GRIA4: variants seen among roughly 807,000 people sequenced by gnomAD.
GRIA4 encodes the protein glutamate receptor 4.
Under a neutral mutation model 104.0 loss-of-function variants are expected in GRIA4, and 34 were observed. The observed-to-expected ratio is 0.33, with a 90% confidence interval of 0.25 to 0.44. GRIA4 has a LOEUF of 0.44. Among genes scored for constraint, GRIA4 ranks in the 20% least tolerant of loss-of-function variants. The pLI is 1.00. For synonymous variants in GRIA4, 386 were observed against 381.9 expected (o/e 1.01, Z -0.13); for missense variants, 750 against 1,096.5 (o/e 0.68, Z 4.46).
At chr11:105,926,191 A>T in intron 12 of GRIA4, among the ~76,000 whole-genome samples, 1 of 149,780 alleles carries the variant, frequency 6.7e-6, no homozygotes, top group Non-Finnish European at 1.5e-5. Context: ...CCTACATCCC[A>T]TCATCCTGGC....
At chr11:105,855,741 T>C (rs548836579) in intron 4 of GRIA4, among the ~76,000 whole-genome samples, 1 of 152,184 alleles carries the variant, frequency 6.6e-6, no homozygotes, top group East Asian at 1.9e-4. Flanking sequence ...TGAAAAGAGA[T>C]CAGTGTATTC....
intron 3 of GRIA4, among the ~76,000 whole-genome samples, chr11:105,687,867 A>G: frequency 6.6e-6 from 1 of 152,172 alleles, no homozygotes; most frequent in East Asian, 1.9e-4. Context: ...TTATCCTTAA[A>G]GTTTCTAGAT....
At chr11:105,873,389 G>A (rs1945688082) in intron 5 of GRIA4, among the ~76,000 whole-genome samples, 1 of 152,146 alleles carries the variant, frequency 6.6e-6, no homozygotes, top group African/African-American at 2.4e-5. Flanking sequence ...ACATACGTGT[G>A]CATGTGTCTT....
In GRIA4 at chr11:105,898,320, A is replaced by T. The variant is rs1946731043; in HGVS notation, c.778A>T (p.Thr260Ser). ...GTTTATACATGGTGGAGCCAATGTT[A>T]CTGGATTCCAGTTGGTGGATTTTAA... ...ERFIHGGANVTGFQLVDFNTP... is the reference protein window; with the variant it reads ...ERFIHGGANVSGFQLVDFNTP... Residue 260 changes from threonine (T) to serine (S), a missense_variant, in exon 7 of 17, where the codon ACT becomes TCT. This residue lies in a region of GRIA4 where 410 missense variants were observed against 502.7 expected (regional missense o/e 0.82). Coordinates refer to ENST00000282499, the MANE Select transcript of GRIA4 (RefSeq NM_000829.4). 2.5e-6 allele frequency: 4 copies of T among 1,574,370 alleles called. No homozygotes were observed. Among genetic ancestry groups the T allele is most frequent in the Non-Finnish European group, 3.5e-6 (4 of 1,144,108 alleles).
chr11:105,656,280 C>T (rs747725172), intron 3 of GRIA4, among the ~76,000 whole-genome samples: 87 of 152,222 alleles, frequency 5.7e-4, no homozygotes, highest in Non-Finnish European at 1.1e-3. Context: ...AAAGGATTCC[C>T]TATTTAATAA....
At chr11:105,935,243 A>C (rs997758107) in intron 14 of GRIA4, among the ~76,000 whole-genome samples, 2 of 152,160 alleles carry the variant, frequency 1.3e-5, no homozygotes, top group African/African-American at 4.8e-5. Flanking sequence ...TGTCACAAAA[A>C]GTACAGCATT....
chr11:105,895,799 T>G (rs905225825), intron 6 of GRIA4, among the ~76,000 whole-genome samples: 1 of 152,188 alleles, frequency 6.6e-6, no homozygotes, highest in Non-Finnish European at 1.5e-5. Flanking sequence ...TGGCCTATCT[T>G]GTGCTCTTCT....
At chr11:105,664,059 T>C (rs978618220) in intron 3 of GRIA4, among the ~76,000 whole-genome samples, 5 of 148,934 alleles carry the variant, frequency 3.4e-5, no homozygotes, top group Non-Finnish European at 7.4e-5. Flanking sequence ...GGAAAGAGTG[T>C]GAGCTTATTC....
At chr11:105,876,872 G>A (rs2136068053) in intron 5 of GRIA4, among the ~76,000 whole-genome samples, 1 of 152,212 alleles carries the variant, frequency 6.6e-6, no homozygotes, top group South Asian at 2.1e-4. Context: ...TATCCAATTT[G>A]CCAGTCTGTG....
At chr11:105,785,085 A>T (rs1941900475) in intron 4 of GRIA4, among the ~76,000 whole-genome samples, 1 of 152,124 alleles carries the variant, frequency 6.6e-6, no homozygotes, top group Non-Finnish European at 1.5e-5. Context: ...ATCCTCCAAA[A>T]CACACTTGTG....
At chr11:105,950,550 GA>G (rs11301256) in intron 14 of GRIA4, among the ~76,000 whole-genome samples, 97,022 of 151,812 alleles carry the variant, frequency 0.64, 31,094 homozygotes, top group Middle Eastern at 0.7. Context: ...TTGTATGTAT[GA>G]AAAAAAAGAC....
intron 3 of GRIA4, among the ~76,000 whole-genome samples, chr11:105,743,640 G>C (rs938508640): frequency 6.6e-6 from 1 of 152,006 alleles, no homozygotes; most frequent in Non-Finnish European, 1.5e-5. Context: ...GCAACTACCA[G>C]CTAGACACCT....
intron 3 of GRIA4, among the ~76,000 whole-genome samples, chr11:105,626,090 AG>A (rs1368990624): frequency 6.6e-6 from 1 of 152,132 alleles, no homozygotes; most frequent in East Asian, 1.9e-4. Flanking sequence ...CCGTGTGGGC[AG>A]TTACATGTGG....
intron 3 of GRIA4, among the ~76,000 whole-genome samples, chr11:105,722,903 C>T (rs948733271): frequency 5.9e-5 from 9 of 152,030 alleles, no homozygotes; most frequent in African/African-American, 1.2e-4. Context: ...AACTAATAAT[C>T]GCATACTAAA....
intron 3 of GRIA4, among the ~76,000 whole-genome samples, chr11:105,659,188 A>G (rs1201447736): frequency 6.6e-6 from 1 of 151,880 alleles, no homozygotes; most frequent in Non-Finnish European, 1.5e-5. Context: ...CCCAAATTTC[A>G]CCTATGTCAT....
intron 4 of GRIA4, among the ~76,000 whole-genome samples, chr11:105,754,357 T>A (rs936803045): frequency 6.6e-6 from 1 of 152,188 alleles, no homozygotes; most frequent in Admixed American, 6.5e-5. Flanking sequence ...CAAAGGCAAA[T>A]GAGTTAATGT....
chr11:105,688,103 CATATCTATATCTATATCTATATCT>C (rs749922258), intron 3 of GRIA4, among the ~76,000 whole-genome samples: 8 of 129,646 alleles, frequency 6.2e-5, no homozygotes, highest in African/African-American at 2.2e-4. Flanking sequence ...CTCTCTGTCT[CATATCTATATCTATATCTATATCT>C]ATATCTATAT....
chr11:105,861,410 C>T (rs149104522), intron 4 of GRIA4, among the ~76,000 whole-genome samples: 92 of 152,200 alleles, frequency 6.0e-4, no homozygotes, highest in Non-Finnish European at 1.1e-3. Context: ...ATTAGGAGTA[C>T]CAGTGCCTCA....
At chr11:105,823,830 AC>A (rs1181547718) in intron 4 of GRIA4, among the ~76,000 whole-genome samples, 1 of 151,954 alleles carries the variant, frequency 6.6e-6, no homozygotes, top group African/African-American at 2.4e-5. Flanking sequence ...TGTAAGCCTA[AC>A]CCCCCGTACA....
Sources: allele counts gnomAD v4.1 joint callset (sites outside exome capture counted in the v4.1 genomes callset), GRCh38; gene constraint gnomAD v4.1.1; regional missense constraint gnomAD v4.1.1; transcripts MANE v1.5; gene names NCBI Gene and HGNC (gene_info 2026-07-23, HGNC 2026-07-21).